CNTFR: variants seen among roughly 807,000 people sequenced by gnomAD.
CNTFR encodes the protein ciliary neurotrophic factor receptor.
CNTFR carries 12 observed loss-of-function variants against 40.4 expected under a neutral mutation model. The ratio of observed to expected loss-of-function variants is 0.30; its 90% CI spans 0.19 to 0.48. The LOEUF is 0.48. CNTFR is among the 20% of genes least tolerant of loss of function. CNTFR has a pLI of 0.99. For missense variants in CNTFR, 414 were observed against 506.8 expected, an observed-to-expected ratio of 0.82 and a Z score of 1.76; for synonymous variants, 202 against 209.6, an observed-to-expected ratio of 0.96 and a Z score of 0.31.
chr9:34,565,740 T>C (rs1348049201), intron 3 of CNTFR, among the ~76,000 whole-genome samples: 1 of 152,026 alleles, frequency 6.6e-6, no homozygotes, highest in Admixed American at 6.5e-5. Flanking sequence ...CGAGCACCTG[T>C]CGACAGGCAG....
At position 34,589,064 on chromosome 9, in the gene CNTFR, C is replaced by T. The variant is rs1827666479; in HGVS notation, c.-112+491G>A. On this transcript the variant is annotated intron_variant, in intron 1 of 9. Transcript: ENST00000378980. This position sits in a 1 kb window ranked among gnomAD's most constrained non-coding sequence, Gnocchi z 4.4. The stretch of plus-strand genomic sequence containing the variant: ...GCCGACCGACACACACATGCACACA[C>T]ACACGCGCGCGCGGGCGCGCGGATT... Among the ~76,000 whole-genome samples, 1 of 152,076 alleles carries T rather than the reference C, an allele frequency of 6.6e-6. No homozygotes were observed. The highest frequency in any genetic ancestry group is 1.5e-5 in the Non-Finnish European group (1 of 68,024).
intron 2 of CNTFR, among the ~76,000 whole-genome samples, chr9:34,576,609 T>C (rs1461738014): frequency 6.6e-6 from 1 of 152,172 alleles, no homozygotes; most frequent in Non-Finnish European, 1.5e-5. Flanking sequence ...TAAATGATTA[T>C]TCCCCAGGCA....
chr9:34,555,934 C>T (rs1459416271), intron 7 of CNTFR, among the ~76,000 whole-genome samples: 10 of 136,798 alleles, frequency 7.3e-5, no homozygotes, highest in Admixed American at 1.4e-4. Flanking sequence ...CTCCCTCCCC[C>T]GCCATCTCCC....
rs201618123 is a variant in CNTFR at position 34,557,980 on chromosome 9, C to T, written c.324G>A (p.Pro108=). 2.8e-4 allele frequency: 436 copies of T among 1,541,614 alleles called. 1 individual carries two copies. The highest frequency in any genetic ancestry group is 1.2e-3 in the Admixed American group (63 of 50,554). The change falls in exon 5 of 10, where the codon CCG becomes CCA. Residue 108 remains proline (P), a synonymous_variant. Coordinates refer to ENST00000378980, the MANE Select transcript of CNTFR (RefSeq NM_147164.3). This position sits in a 1 kb window ranked among gnomAD's most constrained non-coding sequence, Gnocchi z 4.2. ...RHQVLLHVGL[P]PREPVLSCRS... is the part of the protein sequence containing the mutation. Reference sequence around the variant, plus strand: ...GGCAGCTGAGCACAGGCTCCCGCGGCGGCACTGGGGGTGAGGACAGTATGG... The same window carrying T: ...GGCAGCTGAGCACAGGCTCCCGCGGTGGCACTGGGGGTGAGGACAGTATGG...
chr9:34,564,809 G>A lies in CNTFR; in HGVS notation c.109C>T (p.Arg37Cys), dbSNP rs747782591. The A allele has an allele frequency of 7.4e-6, 12 of 1,613,906 alleles. No homozygotes were observed. The highest frequency in any genetic ancestry group is 2.2e-5 in the East Asian group (1 of 44,872). ...GGCAGTGTCACGTCAGAGCCCAGGC[G>A]CTCGTACTGCACATGGGGTGCCTCT... ...PQEAPHVQYE[R>C]LGSDVTLPCG... is the part of the protein sequence containing the mutation. Residue 37 changes from arginine to cysteine, a missense_variant, in exon 4 of 10, where the codon CGC (arginine) becomes TGC (cysteine). By Grantham distance (180) the Arg-to-Cys change is radical (BLOSUM62 -3). Transcript: ENST00000378980.
chr9:34,556,922 G>A (rs1825857994), intron 6 of CNTFR, among the ~76,000 whole-genome samples: 1 of 152,176 alleles, frequency 6.6e-6, no homozygotes, highest in African/African-American at 2.4e-5. Context: ...AGGTAGGCTG[G>A]GGATCTGATG....
intron 4 of CNTFR, among the ~76,000 whole-genome samples, chr9:34,559,504 G>C (rs529692335): frequency 6.6e-6 from 1 of 152,210 alleles, no homozygotes; most frequent in African/African-American, 2.4e-5. Context: ...TCCACTGTGT[G>C]CCTCCCTTGG....
intron 2 of CNTFR, among the ~76,000 whole-genome samples, chr9:34,580,887 T>G (rs1228065443): frequency 6.6e-6 from 1 of 152,226 alleles, no homozygotes; most frequent in East Asian, 1.9e-4. Context: ...CTTGCCTGTG[T>G]GACCACAGGT....
chr9:34,552,811 T>C lies in CNTFR; in HGVS notation c.812A>G (p.Tyr271Cys), dbSNP rs776185128. ...CTGGATAATGTACTCCTTCCCGGCG[T>C]AGGCATCTGTGATGGTGTGTGCTGT... is the stretch of plus-strand genomic sequence containing the variant. ...DGTAHTITDA[Y>C]AGKEYIIQVA... Residue 271 changes from tyrosine (Y) to cysteine (C), a missense_variant, in exon 8 of 10, where the codon TAC becomes TGC. By Grantham distance (194) the Tyr-to-Cys change is radical. Around this residue, in one of 3 missense-constraint regions of CNTFR, gnomAD observed 83 missense variants for 145.0 expected, o/e 0.57. Coordinates refer to ENST00000378980, the MANE Select transcript of CNTFR (RefSeq NM_147164.3). This position sits in a 1 kb window ranked among gnomAD's most constrained non-coding sequence, Gnocchi z 5.1. 4.3e-6 allele frequency: 7 copies of C among 1,613,570 alleles called. No individual in the cohort carries two copies. The highest frequency in any genetic ancestry group is 2.2e-5 in the East Asian group (1 of 44,870).
chr9:34,564,051 C>T (rs1421010886), intron 4 of CNTFR, among the ~76,000 whole-genome samples: 1 of 152,198 alleles, frequency 6.6e-6, no homozygotes, highest in East Asian at 1.9e-4. Flanking sequence ...TCACACCCAG[C>T]TCTCTGCCAG....
chr9:34,579,237 T>G (rs1242308974), intron 2 of CNTFR, among the ~76,000 whole-genome samples: 1 of 151,788 alleles, frequency 6.6e-6, no homozygotes, highest in African/African-American at 2.4e-5. Flanking sequence ...GGGAGGGGGA[T>G]CCACGCTGCC....
intron 2 of CNTFR, 70 bp from the exon 3 acceptor site, chr9:34,569,051 C>T: frequency 7.0e-7 from 1 of 1,424,624 alleles, no homozygotes; most frequent in South Asian, 1.2e-5. Flanking sequence ...GGGAGCCCCT[C>T]CTGTTCTCAG....
chr9:34,552,049 A>C lies in CNTFR; in HGVS notation c.*22T>G. On this transcript the variant is annotated 3_prime_UTR_variant, in exon 10 of 10. Coordinates refer to ENST00000378980, the MANE Select transcript of CNTFR (RefSeq NM_147164.3). This position sits in a 1 kb window ranked among gnomAD's most constrained non-coding sequence, Gnocchi z 5.1. Reference sequence around the variant, plus strand: ...TCCTGCTCCTCTGCAGGTGCTCTGCATGTCCTCATGGGGTGCCGGGCTCTG... The same window carrying C: ...TCCTGCTCCTCTGCAGGTGCTCTGCCTGTCCTCATGGGGTGCCGGGCTCTG... The C allele has an allele frequency of 7.3e-7, 1 of 1,363,892 alleles. No homozygotes were observed. The allele number at this position is 1,363,892 out of a possible 1,614,324, so 84.5% of individuals were successfully genotyped here.
At chr9:34,559,458 A>G (rs1825980105) in intron 4 of CNTFR, among the ~76,000 whole-genome samples, 3 of 152,212 alleles carry the variant, frequency 2.0e-5, no homozygotes, top group Admixed American at 2.0e-4. Context: ...AGCGGGGTCC[A>G]GCTGAGACCC....
Position 34,552,472 on chromosome 9 carries a change from C to A in CNTFR, c.950-143G>T. The A allele has an allele frequency of 9.3e-7, 1 of 1,077,630 alleles. No homozygotes were observed. Among genetic ancestry groups the A allele is most frequent in the Non-Finnish European group, 1.3e-6 (1 of 766,338 alleles). The allele number at this position is 1,077,630 out of a possible 1,614,324, so 66.8% of individuals were successfully genotyped here. A position where few individuals can be genotyped will look rare whatever the true frequency, so the allele number is the denominator to read the frequency against. On this transcript the variant is annotated intron_variant, in intron 8 of 9. Coordinates refer to ENST00000378980, the MANE Select transcript of CNTFR (RefSeq NM_147164.3). The surrounding 1 kb of genome is among the most constrained non-coding windows in gnomAD (Gnocchi z 5.1). The stretch of plus-strand genomic sequence containing the variant: ...GGCAGATCCTGTTTCCCAAGGCTCA[C>A]AGATAACCCCTCCACCCAATGACCC...
chr9:34,559,115 G>T (rs1825966068), intron 4 of CNTFR, among the ~76,000 whole-genome samples: 1 of 152,168 alleles, frequency 6.6e-6, no homozygotes, highest in African/African-American at 2.4e-5. Context: ...CGGCCTGACA[G>T]GTGGACAGGA....
rs1435234583 is a variant in CNTFR, at chr9:34,552,463, C to G, written c.950-134G>C. ...CCCCCATCAGGCAGATCCTGTTTCC[C>G]AAGGCTCACAGATAACCCCTCCACC... On this transcript the variant is annotated intron_variant, in intron 8 of 9. Coordinates refer to ENST00000378980, the MANE Select transcript of CNTFR (RefSeq NM_147164.3). This position sits in a 1 kb window ranked among gnomAD's most constrained non-coding sequence, Gnocchi z 5.1. 7.2e-6 allele frequency: 8 copies of G among 1,116,420 alleles called. No individual in the cohort carries two copies. Among genetic ancestry groups the G allele is most frequent in the African/African-American group, 1.6e-5 (1 of 63,630 alleles). 69.2% of individuals were successfully genotyped at this position (1,116,420 alleles called of 1,614,324 possible).
At chr9:34,559,143 G>A (rs1455819671) in intron 4 of CNTFR, among the ~76,000 whole-genome samples, 4 of 152,170 alleles carry the variant, frequency 2.6e-5, no homozygotes, top group Admixed American at 6.5e-5. Flanking sequence ...GGGGGGCAGC[G>A]CAATAAGCCA....
At position 34,552,703 on chromosome 9, in the gene CNTFR, C is replaced by T. The variant is rs767149963; in HGVS notation, c.920G>A (p.Arg307Gln). Residue 307 changes from arginine (R) to glutamine (Q), a missense_variant, in exon 8 of 10, where the codon CGA (arginine) becomes CAA (glutamine). Arg to Gln is a conservative substitution (Grantham distance 43, BLOSUM62 1). Transcript: ENST00000378980. This position sits in a 1 kb window ranked among gnomAD's most constrained non-coding sequence, Gnocchi z 5.1. ...AHATPWTEEP[R>Q]HLTTEAQAAE... ...AGCCTGGGCCTCCGTGGTGAGGTGTCGCGGTTCCTCAGTCCAGGGCGTAGC... is the reference window on the plus strand; with the variant it reads ...AGCCTGGGCCTCCGTGGTGAGGTGTTGCGGTTCCTCAGTCCAGGGCGTAGC... The T allele has an allele frequency of 8.1e-6, 13 of 1,613,544 alleles. No homozygotes were observed. The highest frequency in any genetic ancestry group is 3.3e-5 in the Admixed American group (2 of 59,984).
Sources: gnomAD v4.1 joint callset for allele counts (sites outside exome capture counted in the v4.1 genomes callset) on GRCh38, gnomAD v4.1.1 for gene constraint, gnomAD v4.1.1 regional missense constraint, Gnocchi (gnomAD v3.1) non-coding constraint, MANE v1.5 for transcripts, NCBI Gene and HGNC (gene_info 2026-07-23, HGNC 2026-07-21) for gene names.